GRB10: variants seen among roughly 807,000 people sequenced by gnomAD.
The protein encoded by GRB10 is growth factor receptor-bound protein 10.
In GRB10, 20 loss-of-function variants were observed where a neutral mutation model predicts 80.9. The observed-to-expected ratio is 0.25, with a 90% confidence interval of 0.17 to 0.36. The LOEUF is 0.36. Among genes scored for constraint, GRB10 ranks in the 10% least tolerant of loss-of-function variants. The pLI, the probability that GRB10 is intolerant of heterozygous loss-of-function variation, is 1.00. For synonymous variants in GRB10, 291 were observed against 291.5 expected (o/e 1.00, Z 0.02); for missense variants, 548 against 747.7 (o/e 0.73, Z 3.12).
intron 4 of GRB10, among the ~76,000 whole-genome samples, chr7:50,710,407 C>T (rs1406520500): frequency 2.6e-5 from 4 of 152,288 alleles, no homozygotes; most frequent in African/African-American, 9.6e-5. Context: ...GCCCCTACCA[C>T]CAGTCATTGG....
At chr7:50,710,904 G>A (rs761396544) in intron 4 of GRB10, 2 of 1,612,650 alleles carry the variant, frequency 1.2e-6, no homozygotes, top group Non-Finnish European at 1.7e-6. Flanking sequence ...CCGGCAGCTT[G>A]CATAGGAGGT....
At chr7:50,718,460 C>T (rs770272963) in intron 4 of GRB10, among the ~76,000 whole-genome samples, 11 of 152,084 alleles carry the variant, frequency 7.2e-5, no homozygotes, top group South Asian at 2.1e-4. Flanking sequence ...TTTCTTCTCA[C>T]GGCCACTGCG....
chr7:50,603,949 A>T, intron 17 of GRB10, 49 bp downstream of exon 17: 1 of 1,355,914 alleles, frequency 7.4e-7, no homozygotes. Context: ...GATCCCCAGC[A>T]CAATAAAACC....
chr7:50,763,843 T>A (rs2076043004), intron 2 of GRB10, among the ~76,000 whole-genome samples: 1 of 152,212 alleles, frequency 6.6e-6, no homozygotes, highest in African/African-American at 2.4e-5. Context: ...CTGCCCTGTC[T>A]CTAAGCATCC....
intron 16 of GRB10, 63 bp downstream of exon 16, chr7:50,604,248 T>G: frequency 7.1e-7 from 1 of 1,405,862 alleles, no homozygotes; most frequent in Non-Finnish European, 1.0e-6. Flanking sequence ...TGAGGGGGAG[T>G]GGAGGGGGGT....
At chr7:50,680,118 C>T (rs186486219) in intron 5 of GRB10, among the ~76,000 whole-genome samples, 2 of 152,338 alleles carry the variant, frequency 1.3e-5, no homozygotes, top group Admixed American at 1.3e-4. Flanking sequence ...CAAAAGCAAA[C>T]CACCTAACCA....
At chr7:50,773,700 T>C (rs2077268802) in intron 2 of GRB10, among the ~76,000 whole-genome samples, 1 of 152,036 alleles carries the variant, frequency 6.6e-6, no homozygotes. Flanking sequence ...TCTAGACATA[T>C]ATACAAAAAC....
intron 7 of GRB10, among the ~76,000 whole-genome samples, chr7:50,650,263 C>T (rs142536435): frequency 6.6e-6 from 1 of 152,212 alleles, no homozygotes; most frequent in Non-Finnish European, 1.5e-5. Flanking sequence ...TAGAGGCAGG[C>T]CACAAGGCCC....
intron 7 of GRB10, among the ~76,000 whole-genome samples, chr7:50,632,667 T>C (rs1186356872): frequency 6.6e-6 from 1 of 152,112 alleles, no homozygotes; most frequent in Non-Finnish European, 1.5e-5. Flanking sequence ...GGGAGAAGCC[T>C]AGCTGGTTGG....
At position 50,782,703 on chromosome 7, in the gene GRB10, G is replaced by A. The variant is rs995268288; in HGVS notation, c.-606C>T. The A allele has an allele frequency of 1.4e-4, 21 of 152,072 alleles. No individual in the cohort carries two copies. The highest frequency in any genetic ancestry group is 5.1e-4 in the African/African-American group (21 of 41,544). The allele number at this position is 152,072 out of a possible 1,614,324, so 9.4% of individuals were successfully genotyped here. On this transcript the variant is annotated 5_prime_UTR_variant, in exon 1 of 19. Coordinates refer to ENST00000401949, the MANE Select transcript of GRB10 (RefSeq NM_001350814.2). This position sits in a 1 kb window ranked among gnomAD's most constrained non-coding sequence, Gnocchi z 6.6. ...CCGCCTCTGGGGACGCCATCCGGGC[G>A]AGGGTGGGATGCCGCGCCACCGCCC...
At chr7:50,653,605 G>C (rs1213678472) in intron 7 of GRB10, among the ~76,000 whole-genome samples, 2 of 152,158 alleles carry the variant, frequency 1.3e-5, no homozygotes, top group Non-Finnish European at 2.9e-5. Context: ...CAGGCAGGAA[G>C]AGCCCTCCCA....
chr7:50,788,037 C>T (rs2078766795), intron 1 of GRB10, among the ~76,000 whole-genome samples: 1 of 151,916 alleles, frequency 6.6e-6, no homozygotes, highest in Admixed American at 6.6e-5. Context: ...GCCCCAGGCT[C>T]AGCACCAGGC....
At chr7:50,733,687 A>G (rs1341186732) in intron 3 of GRB10, among the ~76,000 whole-genome samples, 1 of 152,206 alleles carries the variant, frequency 6.6e-6, no homozygotes, top group East Asian at 1.9e-4. Context: ...CAGCAGCCCC[A>G]AGGCCTCAGC....
chr7:50,663,752 G>A (rs972792165), intron 7 of GRB10, among the ~76,000 whole-genome samples: 3 of 152,252 alleles, frequency 2.0e-5, no homozygotes, highest in South Asian at 2.1e-4. Flanking sequence ...TTTTAGATTC[G>A]GGCCATCATC....
chr7:50,705,271 G>C, intron 4 of GRB10: 5 of 985,652 alleles, frequency 5.1e-6, no homozygotes, highest in Non-Finnish European at 6.0e-6. Flanking sequence ...CTTAGAAGGA[G>C]GATGTTTGTT....
At chr7:50,653,692 T>G (rs2058286504) in intron 7 of GRB10, among the ~76,000 whole-genome samples, 1 of 152,148 alleles carries the variant, frequency 6.6e-6, no homozygotes, top group South Asian at 2.1e-4. Context: ...CCCGGGCTGG[T>G]GAAACGATGC....
intron 4 of GRB10, among the ~76,000 whole-genome samples, chr7:50,715,961 G>GA (rs2066794517): frequency 2.0e-5 from 3 of 152,198 alleles, no homozygotes; most frequent in South Asian, 4.1e-4. Flanking sequence ...CAGGGAGGGG[G>GA]AATCTCCCTT....
chr7:50,643,850 T>C (rs549652359), intron 7 of GRB10, among the ~76,000 whole-genome samples: 14 of 152,304 alleles, frequency 9.2e-5, no homozygotes, highest in African/African-American at 3.4e-4. Context: ...ATATTAACAA[T>C]TGGGGAATCA....
chr7:50,610,913 C>T (rs1178523987), intron 13 of GRB10, among the ~76,000 whole-genome samples: 1 of 152,128 alleles, frequency 6.6e-6, no homozygotes, highest in Non-Finnish European at 1.5e-5. Context: ...GAACCTGATA[C>T]TTGGATTTAT....
Sources: allele counts gnomAD v4.1 joint callset (sites outside exome capture counted in the v4.1 genomes callset), GRCh38; gene constraint gnomAD v4.1.1; non-coding constraint Gnocchi (gnomAD v3.1); transcripts MANE v1.5; gene names NCBI Gene and HGNC (gene_info 2026-07-23, HGNC 2026-07-21).